Variants in ENTPD1 observed in about 807,000 individuals in gnomAD.
ENTPD1 encodes ectonucleoside triphosphate diphosphohydrolase 1.
Under a neutral mutation model 57.0 loss-of-function variants are expected in ENTPD1, and 33 were observed. That is an observed-to-expected ratio of 0.58 (90% confidence interval 0.44 to 0.77). The LOEUF is 0.77. Ranked by LOEUF, ENTPD1 falls within the 30% of genes least tolerant of loss-of-function variation. The pLI, the probability that ENTPD1 is intolerant of heterozygous loss-of-function variation, is 0.00. For synonymous variants in ENTPD1, 202 were observed against 218.8 expected (o/e 0.92, Z 0.68); for missense variants, 501 against 603.4 (o/e 0.83, Z 1.78).
chr10:95,848,204 G>A (rs2098439070), intron 7 of ENTPD1, among the ~76,000 whole-genome samples: 1 of 152,136 alleles, frequency 6.6e-6, no homozygotes, highest in Admixed American at 6.5e-5. Context: ...TGCTAAATCT[G>A]CCTCTTCCTT....
rs906660602 is a variant in ENTPD1, at chr10:95,877,158, T to C, written c.*10775T>C. ...TTATAGAGTCTCCTAGAATATTTCA[T>C]TGGCATTGAGAAGGTGGAAAATGCA... On this transcript the variant is annotated 3_prime_UTR_variant, in exon 10 of 10. Transcript: ENST00000371205. Among the ~76,000 whole-genome samples the C allele has an allele frequency of 5.9e-5, 9 of 152,216 alleles. No homozygotes were observed. The highest frequency in any genetic ancestry group is 1.4e-4 in the African/African-American group (6 of 41,452).
rs1325211137 is a variant in ENTPD1, at chr10:95,765,946, TTATAAA to T, written c.16+9697_16+9702del. 6.6e-5 allele frequency among the ~76,000 whole-genome samples: 10 copies of T among 152,296 alleles called. No individual in the cohort carries two copies. The East Asian group carries it at 1.7e-3, about 26-fold the overall frequency. ...AAGTATGATTTTCTTTTTGATGCTA[TTATAAA>T]TATAATTGTTTTAAAATTTCATTTT... On this transcript the variant is annotated intron_variant, in intron 1 of 9. Coordinates refer to ENST00000371205, the MANE Select transcript of ENTPD1 (RefSeq NM_001776.6).
chr10:95,713,020 C>T (rs984458298), intron 1 of ENTPD1, among the ~76,000 whole-genome samples: 15 of 138,362 alleles, frequency 1.1e-4, no homozygotes, highest in African/African-American at 3.2e-4. Flanking sequence ...GGCGACAGAG[C>T]GAGATTCTGT....
At chr10:95,732,972 G>T (rs543102483) in intron 1 of ENTPD1, among the ~76,000 whole-genome samples, 1 of 152,272 alleles carries the variant, frequency 6.6e-6, no homozygotes, top group East Asian at 1.9e-4. Context: ...CATTGTCATT[G>T]ATAACATCTT....
At chr10:95,800,498 G>T (rs2098244688) in intron 1 of ENTPD1, among the ~76,000 whole-genome samples, 1 of 152,158 alleles carries the variant, frequency 6.6e-6, no homozygotes, top group African/African-American at 2.4e-5. Context: ...AGTATGACTA[G>T]AATTTACCAG....
intron 2 of ENTPD1, among the ~76,000 whole-genome samples, chr10:95,826,417 C>T (rs2098376635): frequency 6.6e-6 from 1 of 151,694 alleles, no homozygotes; most frequent in African/African-American, 2.4e-5. Context: ...TACTAAAATA[C>T]AAAAAATTAG....
At chr10:95,821,548 AG>A (rs2098351335) in intron 1 of ENTPD1, among the ~76,000 whole-genome samples, 2 of 152,212 alleles carry the variant, frequency 1.3e-5, no homozygotes, top group Admixed American at 1.3e-4. Flanking sequence ...TACACAGACA[AG>A]TCCATCCCTG....
At chr10:95,751,000 G>A (rs912863281), upstream of ENTPD1, among the ~76,000 whole-genome samples, 2 of 152,128 alleles carry the variant, frequency 1.3e-5, no homozygotes, top group Non-Finnish European at 2.9e-5. Flanking sequence ...TCCAGCCTGG[G>A]TGACAGAGCG....
chr10:95,780,147 A>G (rs945074223), intron 1 of ENTPD1, among the ~76,000 whole-genome samples: 17 of 152,190 alleles, frequency 1.1e-4, no homozygotes, highest in African/African-American at 3.6e-4. Context: ...TCTTTAACAG[A>G]ACATACCAAA....
In ENTPD1 at chr10:95,791,732, T is replaced by A. The variant is rs1400973866; in HGVS notation, c.17-31505T>A. Among the ~76,000 whole-genome samples the A allele has an allele frequency of 6.6e-6, 1 of 152,114 alleles. No homozygotes were observed. Among genetic ancestry groups the A allele is most frequent in the Non-Finnish European group, 1.5e-5 (1 of 68,016 alleles). On this transcript the variant is annotated intron_variant, in intron 1 of 9. Coordinates refer to ENST00000371205, the MANE Select transcript of ENTPD1 (RefSeq NM_001776.6). The surrounding 1 kb of genome is among the most constrained non-coding windows in gnomAD (Gnocchi z 4.1). ...TGGCTGTACATTAGAATCACCCGGCTGGGGGTAGAGGTGTTAAAAGTGAAC... is the reference window on the plus strand; with the variant it reads ...TGGCTGTACATTAGAATCACCCGGCAGGGGGTAGAGGTGTTAAAAGTGAAC...
intron 1 of ENTPD1, among the ~76,000 whole-genome samples, chr10:95,732,289 T>C (rs2097990125): frequency 6.6e-6 from 1 of 152,186 alleles, no homozygotes; most frequent in Non-Finnish European, 1.5e-5. Context: ...TGTTCTGCCC[T>C]AGCTGTATTC....
At position 95,874,858 on chromosome 10, in the gene ENTPD1, T is replaced by A. The variant is rs1311801593; in HGVS notation, c.*8475T>A. Reference sequence around the variant, plus strand: ...GGAAGCTGCCAATGCTTGGGGCCTCTACCCTCTGAAGCCACAGCCCAAGCT... The same window carrying A: ...GGAAGCTGCCAATGCTTGGGGCCTCAACCCTCTGAAGCCACAGCCCAAGCT... On this transcript the variant is annotated 3_prime_UTR_variant, in exon 10 of 10. Coordinates refer to ENST00000371205, the MANE Select transcript of ENTPD1 (RefSeq NM_001776.6). Among the ~76,000 whole-genome samples the A allele has an allele frequency of 6.6e-6, 1 of 152,252 alleles. No individual in the cohort carries two copies. The highest frequency in any genetic ancestry group is 1.5e-5 in the Non-Finnish European group (1 of 68,048).
At chr10:95,790,432 G>A (rs1396835519) in intron 1 of ENTPD1, among the ~76,000 whole-genome samples, 1 of 152,180 alleles carries the variant, frequency 6.6e-6, no homozygotes, top group Non-Finnish European at 1.5e-5. Context: ...ACTCCGTGGA[G>A]GTCAGTACCC....
chr10:95,737,606 C>G (rs958549884), intron 1 of ENTPD1, among the ~76,000 whole-genome samples: 4 of 151,962 alleles, frequency 2.6e-5, no homozygotes, highest in Non-Finnish European at 4.4e-5. Flanking sequence ...AGGATGGTCT[C>G]AAACTCCTGA....
chr10:95,709,961 A>G (rs1004023861), upstream of ENTPD1, among the ~76,000 whole-genome samples: 2 of 151,446 alleles, frequency 1.3e-5, no homozygotes, highest in African/African-American at 2.4e-5. Flanking sequence ...TTTTTAGTAG[A>G]GAGGGTTTCA....
At chr10:95,810,411 C>T (rs980121989) in intron 1 of ENTPD1, among the ~76,000 whole-genome samples, 72 of 148,404 alleles carry the variant, frequency 4.9e-4, no homozygotes, top group African/African-American at 1.6e-3. Context: ...CTGGACAGGG[C>T]GGCTGGGCAG....
intron 8 of ENTPD1, 47 bp downstream of exon 8, chr10:95,860,629 C>A: frequency 1.3e-6 from 2 of 1,520,214 alleles, no homozygotes; most frequent in South Asian, 1.1e-5. Context: ...TGCCCTGTGT[C>A]GTTGCTGATG....
intron 3 of ENTPD1, among the ~76,000 whole-genome samples, chr10:95,840,572 A>C (rs1443753307): frequency 6.6e-6 from 1 of 152,252 alleles, no homozygotes; most frequent in Non-Finnish European, 1.5e-5. Flanking sequence ...AGAAGGAAAC[A>C]AAAACCTGGA....
intron 1 of ENTPD1, among the ~76,000 whole-genome samples, chr10:95,725,886 C>A (rs1199126608): frequency 6.6e-6 from 1 of 152,216 alleles, no homozygotes; most frequent in East Asian, 1.9e-4. Flanking sequence ...CCAACTGGAA[C>A]TACAAAACCG....
Sources: allele counts gnomAD v4.1 joint callset (sites outside exome capture counted in the v4.1 genomes callset), GRCh38; gene constraint gnomAD v4.1.1; non-coding constraint Gnocchi (gnomAD v3.1); transcripts MANE v1.5; gene names NCBI Gene and HGNC (gene_info 2026-07-23, HGNC 2026-07-21).